CCSER1: variants seen among roughly 807,000 people sequenced by gnomAD.
The protein encoded by CCSER1 is coiled-coil serine rich protein 1.
CCSER1 carries 41 observed loss-of-function variants against 82.0 expected under a neutral mutation model. That is an observed-to-expected ratio of 0.50 (90% confidence interval 0.39 to 0.65). CCSER1 has a LOEUF of 0.65. Among genes scored for constraint, CCSER1 ranks in the 30% least tolerant of loss-of-function variants. CCSER1 has a pLI of 0.00. For synonymous variants in CCSER1, 414 were observed against 383.9 expected, an observed-to-expected ratio of 1.08 and a Z score of -0.92; for missense variants, 1,119 against 1,064.2, an observed-to-expected ratio of 1.05 and a Z score of -0.72.
chr4:90,819,064 T>G (rs1438410230), intron 8 of CCSER1, among the ~76,000 whole-genome samples: 6 of 151,950 alleles, frequency 3.9e-5, no homozygotes, highest in Admixed American at 3.9e-4. Flanking sequence ...GGTGCCAGAG[T>G]GTTGGGATTG....
chr4:90,703,763 A>G (rs150550028), intron 6 of CCSER1, among the ~76,000 whole-genome samples: 2,079 of 152,186 alleles, frequency 0.014, 27 homozygotes, highest in Non-Finnish European at 0.018. Flanking sequence ...TTGTTGGTTT[A>G]AAGTCTGTTT....
intron 5 of CCSER1, among the ~76,000 whole-genome samples, chr4:90,539,597 G>T (rs1775852261): frequency 6.6e-6 from 1 of 151,998 alleles, no homozygotes; most frequent in Non-Finnish European, 1.5e-5. Context: ...TACCACTTTT[G>T]CATGCATTTT....
chr4:90,464,995 C>T (rs115914140), intron 4 of CCSER1, among the ~76,000 whole-genome samples: 2,227 of 152,240 alleles, frequency 0.015, 49 homozygotes, highest in African/African-American at 0.051. Flanking sequence ...GACGGGGTCT[C>T]GCCCTGTGGC....
At chr4:91,331,439 T>A (rs1258630044) in intron 10 of CCSER1, among the ~76,000 whole-genome samples, 1 of 152,146 alleles carries the variant, frequency 6.6e-6, no homozygotes, top group Non-Finnish European at 1.5e-5. Flanking sequence ...CATCATCTTT[T>A]AGCCTCATCT....
chr4:91,531,486 A>G (rs1761027428), intron 10 of CCSER1, among the ~76,000 whole-genome samples: 2 of 152,362 alleles, frequency 1.3e-5, no homozygotes, highest in South Asian at 4.1e-4. Context: ...CCAAATTACA[A>G]CACAAACTTA....
At chr4:91,188,220 T>G (rs1734725597) in intron 10 of CCSER1, among the ~76,000 whole-genome samples, 1 of 152,216 alleles carries the variant, frequency 6.6e-6, no homozygotes, top group Non-Finnish European at 1.5e-5. Context: ...GAAAATGTTC[T>G]GTTTTAATAC....
At chr4:91,275,170 C>T (rs999252865) in intron 10 of CCSER1, among the ~76,000 whole-genome samples, 2 of 151,824 alleles carry the variant, frequency 1.3e-5, no homozygotes, top group Non-Finnish European at 2.9e-5. Context: ...ATTGCTGCAT[C>T]ATGTGGTAGT....
intron 7 of CCSER1, among the ~76,000 whole-genome samples, chr4:90,761,079 A>G (rs760316635): frequency 9.2e-5 from 14 of 152,122 alleles, no homozygotes; most frequent in Non-Finnish European, 1.5e-4. Flanking sequence ...GGGCTCTCTA[A>G]AATTAAATTA....
At chr4:90,840,325 G>A (rs1003479532) in intron 8 of CCSER1, among the ~76,000 whole-genome samples, 12 of 152,100 alleles carry the variant, frequency 7.9e-5, no homozygotes, top group Non-Finnish European at 1.3e-4. Flanking sequence ...TACAAAAGAC[G>A]TTAACTCTAT....
At chr4:90,393,905 C>T (rs932784366) in intron 3 of CCSER1, among the ~76,000 whole-genome samples, 2 of 149,334 alleles carry the variant, frequency 1.3e-5, no homozygotes, top group Non-Finnish European at 1.5e-5. Context: ...CAGCCCCCTG[C>T]GTAGCTGGAC....
intron 10 of CCSER1, among the ~76,000 whole-genome samples, chr4:91,396,484 G>A (rs562214808): frequency 2.6e-5 from 4 of 151,472 alleles, no homozygotes; most frequent in Admixed American, 2.6e-4. Flanking sequence ...TCTCTTTTTG[G>A]CAACTTGTAC....
Position 90,308,623 on chromosome 4 carries a change from A to G in CCSER1, c.339A>G (p.Gly113=), listed in dbSNP as rs1339615857. The G allele has an allele frequency of 1.2e-6, 2 of 1,613,862 alleles. No homozygotes were observed. Among genetic ancestry groups the G allele is most frequent in the Middle Eastern group, 1.7e-4 (1 of 6,060 alleles). ...LSLEEHIKTR[G]RHSVGFSSSR... ...TGGAAGAACATATTAAGACCAGGGG[A>G]AGACATTCTGTTGGTTTTAGTAGTT... The change falls in exon 2 of 11, where the codon GGA becomes GGG. Residue 113 remains glycine, a synonymous_variant. Transcript: ENST00000509176.
intron 6 of CCSER1, among the ~76,000 whole-genome samples, chr4:90,660,294 G>T (rs760326271): frequency 1.3e-5 from 2 of 151,920 alleles, no homozygotes; most frequent in Non-Finnish European, 1.5e-5. Context: ...GTCCATCGTC[G>T]ATGGACAAAT....
At chr4:90,576,010 G>A (rs1305603450) in intron 5 of CCSER1, among the ~76,000 whole-genome samples, 3 of 151,590 alleles carry the variant, frequency 2.0e-5, no homozygotes, top group African/African-American at 4.9e-5. Context: ...TCATATCTCC[G>A]AAATTTTGTT....
In CCSER1 at chr4:91,601,701, A is replaced by G. The variant is rs983572128; in HGVS notation, c.*2644A>G. The stretch of plus-strand genomic sequence containing the variant: ...AAGTGCTTGTTTTTCTGATGGAAGC[A>G]GTGGTCTTTTCTTTTCTTTCCTCTT... On this transcript the variant is annotated 3_prime_UTR_variant, in exon 11 of 11. Transcript: ENST00000509176. 9.9e-5 allele frequency: 15 copies of G among 152,064 alleles called. No individual in the cohort carries two copies. Among genetic ancestry groups the G allele is most frequent in the African/African-American group, 3.6e-4 (15 of 41,436 alleles). 9.4% of individuals were successfully genotyped at this position (152,064 alleles called of 1,614,324 possible).
rs1369367365 is a variant in CCSER1, at chr4:90,427,847, TGATTAGAATG to T, written c.1603+27719_1603+27728del. ...GAATAAAGCAAAACTATACTCTTAA[TGATTAGAATG>T]CAATGTTATTCAGCCCTATTTTGTA... is the stretch of plus-strand genomic sequence containing the variant. On this transcript the variant is annotated intron_variant, in intron 4 of 10. Transcript: ENST00000509176. Among the ~76,000 whole-genome samples the T allele has an allele frequency of 2.0e-5, 3 of 151,888 alleles. No homozygotes were observed. In the East Asian group the frequency reaches 5.8e-4, roughly 29 times the overall value.
At chr4:91,423,354 C>T (rs1753788008) in intron 10 of CCSER1, among the ~76,000 whole-genome samples, 1 of 151,608 alleles carries the variant, frequency 6.6e-6, no homozygotes, top group Non-Finnish European at 1.5e-5. Context: ...TGCTTGAACC[C>T]AGGAGGTGGA....
intron 10 of CCSER1, among the ~76,000 whole-genome samples, chr4:91,383,236 G>A (rs1399069122): frequency 1.3e-5 from 2 of 152,066 alleles, no homozygotes; most frequent in South Asian, 4.1e-4. Flanking sequence ...AGGCCAAAAA[G>A]ATGGTAATTA....
chr4:91,300,168 A>G (rs1744555626), intron 10 of CCSER1, among the ~76,000 whole-genome samples: 1 of 152,012 alleles, frequency 6.6e-6, no homozygotes, highest in African/African-American at 2.4e-5. Context: ...GAGGCCTGTT[A>G]TAAAATTATT....
Sources: allele counts gnomAD v4.1 joint callset (sites outside exome capture counted in the v4.1 genomes callset), GRCh38; gene constraint gnomAD v4.1.1; transcripts MANE v1.5; gene names NCBI Gene and HGNC (gene_info 2026-07-23, HGNC 2026-07-21).